Variants in ZFP1 observed in about 807,000 individuals in gnomAD.
ZFP1 encodes zinc finger protein 1 homolog.
Under a neutral mutation model 38.5 loss-of-function variants are expected in ZFP1, and 32 were observed. That is an observed-to-expected ratio of 0.83 (90% CI 0.63 to 1.12). The LOEUF (loss-of-function observed/expected upper bound fraction) is 1.12. ZFP1 is among the 50% of genes most tolerant of loss of function. The probability of loss-of-function intolerance (pLI) is 0.00; values close to 1 mark genes in which losing one functional copy is unlikely to be tolerated. For synonymous variants in ZFP1, 245 were observed against 168.8 expected, an observed-to-expected ratio of 1.45 and a Z score of -3.50; for missense variants, 616 against 480.8, an observed-to-expected ratio of 1.28 and a Z score of -2.63.
the ZFP1 span, among the ~76,000 whole-genome samples, chr16:75,137,335 G>A: frequency 2.4e-4 from 36 of 152,122 alleles, no homozygotes; most frequent in Non-Finnish European, 3.7e-4. Context: ...ACTGAGGCTG[G>A]GTGCAGTGGC....
chr16:75,148,611 A>T lies in ZFP1; in HGVS notation c.-76A>T, dbSNP rs1453818040. ...GCCCTGCGCCGTGACCCGCTGTGGC[A>T]CTGGGCCACGAGTGGAGGCTGCGCC... is the stretch of plus-strand genomic sequence containing the variant. On this transcript the variant is annotated 5_prime_UTR_variant, in exon 1 of 4. Coordinates refer to ENST00000570010, the MANE Select transcript of ZFP1 (RefSeq NM_153688.4). The T allele has an allele frequency of 6.6e-6, 1 of 152,218 alleles. No homozygotes were observed. The highest frequency in any genetic ancestry group is 1.5e-5 in the Non-Finnish European group (1 of 68,072). The allele number at this position is 152,218 out of a possible 1,614,324, so 9.4% of individuals were successfully genotyped here.
chr16:75,140,412 A>T, the ZFP1 span, among the ~76,000 whole-genome samples: 1 of 152,006 alleles, frequency 6.6e-6, no homozygotes, highest in Admixed American at 6.6e-5. Context: ...CTACAAAAAG[A>T]AAAAAAATTG....
intron 2 of ZFP1, among the ~76,000 whole-genome samples, chr16:75,158,533 G>C (rs760409088): frequency 6.7e-6 from 1 of 149,344 alleles, no homozygotes; most frequent in African/African-American, 2.5e-5. Flanking sequence ...TTTTTTTGTC[G>C]TGATGAGATC....
At chr16:75,133,266 G>A in the ZFP1 span, among the ~76,000 whole-genome samples, 5 of 152,134 alleles carry the variant, frequency 3.3e-5, no homozygotes, top group Non-Finnish European at 5.9e-5. Context: ...GTGAGCCACC[G>A]TGCCTGGCCT....
At chr16:75,144,907 T>G (rs1485699610), upstream of ZFP1, among the ~76,000 whole-genome samples, 4 of 152,216 alleles carry the variant, frequency 2.6e-5, no homozygotes. Flanking sequence ...CATAGGTCAC[T>G]GCAGCCTCGA....
chr16:75,142,091 C>G, the ZFP1 span, among the ~76,000 whole-genome samples: 47,521 of 147,306 alleles, frequency 0.32, 7,835 homozygotes, highest in Non-Finnish European at 0.35. Context: ...GGCGCGGTGG[C>G]TCATACCTGT....
rs2038439697 is a variant in ZFP1, at chr16:75,171,663, A to G, written c.*1329A>G. On this transcript the variant is annotated 3_prime_UTR_variant, in exon 4 of 4. Coordinates refer to ENST00000570010, the MANE Select transcript of ZFP1 (RefSeq NM_153688.4). ...CTATCAATCACAAATCATGTATTGG[A>G]AATTATAAATGGCAACCAAAAACTG... 2 of 152,224 alleles carry G rather than the reference A, an allele frequency of 1.3e-5. No individual in the cohort carries two copies. Among genetic ancestry groups the G allele is most frequent in the African/African-American group, 4.8e-5 (2 of 41,468 alleles). The allele number at this position is 152,224 out of a possible 1,614,324, so 9.4% of individuals were successfully genotyped here.
In ZFP1 at chr16:75,170,283, G is replaced by A. The variant is rs1286513029; in HGVS notation, c.1173G>A (p.Arg391=). The part of the protein sequence containing the change: ...ECSECGKAFS[R]KSRLSVHQRV... The stretch of plus-strand genomic sequence containing the variant: ...CCGAATGTGGGAAGGCCTTTAGCAG[G>A]AAGTCCCGACTCAGTGTCCATCAGA... The change falls in exon 4 of 4, where the codon AGG becomes AGA. Residue 391 remains arginine (R), a synonymous_variant. Transcript: ENST00000570010. 9 of 1,610,394 alleles carry A rather than the reference G, an allele frequency of 5.6e-6. No homozygotes were observed. In the South Asian group the frequency reaches 9.9e-5, roughly 18 times the overall value.
chr16:75,123,988 G>A, the ZFP1 span, among the ~76,000 whole-genome samples: 2 of 151,550 alleles, frequency 1.3e-5, no homozygotes, highest in South Asian at 4.2e-4. Flanking sequence ...CAACTACTCG[G>A]GAGGCAGAGG....
chr16:75,164,010 T>C (rs1366660492), intron 2 of ZFP1, among the ~76,000 whole-genome samples: 2 of 152,232 alleles, frequency 1.3e-5, no homozygotes, highest in African/African-American at 4.8e-5. Flanking sequence ...GTATCCATGC[T>C]CTTTGTTTAA....
upstream of ZFP1, among the ~76,000 whole-genome samples, chr16:75,143,701 G>A (rs973872969): frequency 8.0e-5 from 10 of 125,142 alleles, 2 homozygotes; most frequent in East Asian, 2.5e-4. Context: ...GCCCAGGCTC[G>A]AATGCAGTGG....
chr16:75,156,313 C>T (rs374439277), intron 2 of ZFP1, among the ~76,000 whole-genome samples: 29 of 152,114 alleles, frequency 1.9e-4, no homozygotes, highest in Non-Finnish European at 2.8e-4. Flanking sequence ...AAAAATTAGC[C>T]GGGCGTGGTA....
intron 2 of ZFP1, among the ~76,000 whole-genome samples, chr16:75,154,380 A>C (rs990968510): frequency 6.6e-6 from 1 of 152,224 alleles, no homozygotes; most frequent in African/African-American, 2.4e-5. Flanking sequence ...AAGTTTTGGC[A>C]ATTATAAATA....
At chr16:75,132,950 C>T in the ZFP1 span, among the ~76,000 whole-genome samples, 5 of 149,844 alleles carry the variant, frequency 3.3e-5, no homozygotes, top group African/African-American at 7.4e-5. Context: ...TGAGCCACCA[C>T]GCCCAGCCTC....
chr16:75,126,886 T>C, the ZFP1 span, among the ~76,000 whole-genome samples: 1 of 152,236 alleles, frequency 6.6e-6, no homozygotes, highest in East Asian at 1.9e-4. Context: ...ATTTGGCTTA[T>C]TTGGTCTAAA....
upstream of ZFP1, among the ~76,000 whole-genome samples, chr16:75,148,065 G>A (rs368215834): frequency 8.4e-4 from 128 of 152,134 alleles, 5 homozygotes; most frequent in South Asian, 0.023. Context: ...TGGGAAAAAA[G>A]GGAAAAAAGC....
intron 2 of ZFP1, among the ~76,000 whole-genome samples, chr16:75,161,774 A>ATATATATATATATATTTATATTTT (rs1555523101): frequency 1.3e-4 from 1 of 7,818 alleles, no homozygotes; most frequent in Non-Finnish European, 2.8e-4. Flanking sequence ...ATATATATAT[A>ATATATATATATATATTTATATTTT]TTTTTTTTTT....
rs1398096325 is a variant in ZFP1 at position 75,170,188 on chromosome 16, A to C, written c.1078A>C (p.Thr360Pro). 3 of 1,613,994 alleles carry C rather than the reference A, an allele frequency of 1.9e-6. No individual in the cohort carries two copies. Among genetic ancestry groups the C allele is most frequent in the Non-Finnish European group, 2.5e-6 (3 of 1,180,038 alleles). ...CTATGAATGTACTGAGTGCGGCAAA[A>C]CTTTCAGCCAGAGGTCAACTCTTAG... ...KPYECTECGK[T>P]FSQRSTLRLH... The change falls in exon 4 of 4, where the codon ACT (threonine) becomes CCT (proline). Residue 360 changes from threonine to proline, a missense_variant. By Grantham distance (38) the Thr-to-Pro change is conservative. Coordinates refer to ENST00000570010, the MANE Select transcript of ZFP1 (RefSeq NM_153688.4).
intron 2 of ZFP1, among the ~76,000 whole-genome samples, chr16:75,160,899 G>A (rs1206287891): frequency 6.6e-6 from 1 of 152,004 alleles, no homozygotes. Flanking sequence ...ACAAGGGGAG[G>A]AGCCTCTATG....
Sources: gnomAD v4.1 joint callset for allele counts (sites outside exome capture counted in the v4.1 genomes callset) on GRCh38, gnomAD v4.1.1 for gene constraint, MANE v1.5 for transcripts, NCBI Gene and HGNC (gene_info 2026-07-23, HGNC 2026-07-21) for gene names.